Variants in CCNY observed in about 807,000 individuals in gnomAD.
CCNY encodes the protein cyclin-Y.
A neutral mutation model predicts 42.8 loss-of-function variants in CCNY; 19 were observed. The observed-to-expected ratio is 0.44, with a 90% confidence interval of 0.31 to 0.65. The LOEUF (loss-of-function observed/expected upper bound fraction) is 0.65, where lower values mean the gene tolerates loss of function less well. CCNY is among the 30% of genes least tolerant of loss of function. CCNY has a pLI of 0.07. For synonymous variants in CCNY, 165 were observed against 162.7 expected (o/e 1.01, Z -0.11); for missense variants, 370 against 437.3 (o/e 0.85, Z 1.37).
At chr10:35,277,782 G>A (rs113925217) in intron 3 of CCNY, among the ~76,000 whole-genome samples, 213 of 152,138 alleles carry the variant, frequency 1.4e-3, no homozygotes, top group African/African-American at 4.6e-3. Context: ...GTATGTTGCG[G>A]GCTGGGCCAT....
At chr10:35,256,270 G>T in intron 3 of CCNY, among the ~76,000 whole-genome samples, 1 of 151,130 alleles carries the variant, frequency 6.6e-6, no homozygotes, top group East Asian at 1.9e-4. Context: ...TTTGTCCCAT[G>T]CTTCCTGCCT....
At chr10:35,273,896 G>C (rs1483005897) in intron 3 of CCNY, among the ~76,000 whole-genome samples, 3 of 152,118 alleles carry the variant, frequency 2.0e-5, no homozygotes, top group African/African-American at 7.2e-5. Context: ...ACAGAAGCCA[G>C]GACCTGTGGC....
At chr10:35,263,845 C>T (rs1589005872) in intron 3 of CCNY, among the ~76,000 whole-genome samples, 1 of 152,120 alleles carries the variant, frequency 6.6e-6, no homozygotes, top group African/African-American at 2.4e-5. Flanking sequence ...CCTACTCCCC[C>T]AACAGGCCCT....
At chr10:35,305,602 C>G (rs1308380615) in intron 3 of CCNY, among the ~76,000 whole-genome samples, 1 of 152,210 alleles carries the variant, frequency 6.6e-6, no homozygotes, top group Non-Finnish European at 1.5e-5. Context: ...GTTTGTGCTA[C>G]TTATCGTTCA....
chr10:35,415,484 G>A (rs1005386312), intron 1 of CCNY, among the ~76,000 whole-genome samples: 93 of 152,186 alleles, frequency 6.1e-4, no homozygotes, highest in Middle Eastern at 3.4e-3. Flanking sequence ...GAAGGCAGAA[G>A]GGCTTTGTGG....
intron 3 of CCNY, among the ~76,000 whole-genome samples, chr10:35,302,405 G>A (rs897717880): frequency 1.3e-5 from 2 of 151,140 alleles, no homozygotes; most frequent in African/African-American, 4.9e-5. Flanking sequence ...CCGTCTCCTG[G>A]GTTCAAGTGA....
intron 1 of CCNY, among the ~76,000 whole-genome samples, chr10:35,478,965 C>G (rs1003500529): frequency 2.6e-5 from 4 of 152,214 alleles, no homozygotes; most frequent in Admixed American, 6.5e-5. Context: ...AGACACTTCT[C>G]AAAAGAAGAC....
intron 3 of CCNY, among the ~76,000 whole-genome samples, chr10:35,328,509 T>TAGTA (rs770522340): frequency 3.9e-4 from 59 of 152,282 alleles, no homozygotes; most frequent in Middle Eastern, 3.4e-3. Context: ...AAATGCAGGA[T>TAGTA]AGTAACTAAG....
chr10:35,527,319 C>T (rs528166184), intron 5 of CCNY, among the ~76,000 whole-genome samples: 2 of 152,266 alleles, frequency 1.3e-5, no homozygotes, highest in Admixed American at 6.5e-5. Flanking sequence ...ACAGTGTAAT[C>T]CCATTGATGA....
intron 1 of CCNY, among the ~76,000 whole-genome samples, chr10:35,428,802 GTGC>G (rs1440747074): frequency 6.6e-6 from 1 of 152,184 alleles, no homozygotes; most frequent in Non-Finnish European, 1.5e-5. Context: ...GATGTGTTGG[GTGC>G]TGCGTTCTGG....
At chr10:35,538,651 CG>C (rs1399360546) in intron 7 of CCNY, among the ~76,000 whole-genome samples, 4 of 152,142 alleles carry the variant, frequency 2.6e-5, no homozygotes, top group African/African-American at 9.7e-5. Context: ...ATTTTAAGAA[CG>C]GGTTGTCTTT....
chr10:35,456,495 G>A (rs1589133009), intron 1 of CCNY, among the ~76,000 whole-genome samples: 1 of 152,234 alleles, frequency 6.6e-6, no homozygotes, highest in East Asian at 1.9e-4. Context: ...ACATTCATTT[G>A]TATCTTCCAG....
intron 1 of CCNY, among the ~76,000 whole-genome samples, chr10:35,357,202 C>A (rs1836576008): frequency 6.6e-6 from 1 of 151,346 alleles, no homozygotes; most frequent in Non-Finnish European, 1.5e-5. Flanking sequence ...CAGCCCCAGC[C>A]CCAGCCCCAG....
intron 3 of CCNY, among the ~76,000 whole-genome samples, chr10:35,297,189 A>G (rs1486026043): frequency 6.6e-6 from 1 of 152,128 alleles, no homozygotes; most frequent in African/African-American, 2.4e-5. Flanking sequence ...TTAAAAAAAA[A>G]AGATTGGTTC....
At chr10:35,389,341 G>A (rs1198759274) in intron 1 of CCNY, among the ~76,000 whole-genome samples, 1 of 151,716 alleles carries the variant, frequency 6.6e-6, no homozygotes. Flanking sequence ...AGCCCCTGGT[G>A]TACATATATG....
At chr10:35,533,774 G>T (rs559510626) in intron 7 of CCNY, among the ~76,000 whole-genome samples, 4 of 152,138 alleles carry the variant, frequency 2.6e-5, no homozygotes, top group Non-Finnish European at 4.4e-5. Context: ...AGCCCCATGC[G>T]TAAGAAATGT....
intron 3 of CCNY, among the ~76,000 whole-genome samples, chr10:35,318,687 T>C (rs1355711447): frequency 6.6e-6 from 1 of 152,112 alleles, no homozygotes; most frequent in Non-Finnish European, 1.5e-5. Context: ...TGGAAGGATC[T>C]GTTGGTCTAT....
intron 3 of CCNY, among the ~76,000 whole-genome samples, chr10:35,301,171 A>C (rs1202297782): frequency 6.6e-6 from 1 of 152,220 alleles, no homozygotes; most frequent in South Asian, 2.1e-4. Context: ...TCAAACTCAG[A>C]TAATCTGGCA....
At chr10:35,431,353 TCC>T (rs1200834445) in intron 1 of CCNY, among the ~76,000 whole-genome samples, 4 of 2,138 alleles carry the variant, frequency 1.9e-3, no homozygotes, top group African/African-American at 8.6e-3. Flanking sequence ...CCCCACATCT[TCC>T]CCCCCTCCCC....
Sources: gnomAD v4.1 joint callset for allele counts (sites outside exome capture counted in the v4.1 genomes callset) on GRCh38, gnomAD v4.1.1 for gene constraint, MANE v1.5 for transcripts, NCBI Gene and HGNC (gene_info 2026-07-23, HGNC 2026-07-21) for gene names.